Variants in ADAM23 observed in about 807,000 individuals in gnomAD.
The protein encoded by ADAM23 is disintegrin and metalloproteinase domain-containing protein 23.
Under a neutral mutation model 120.1 loss-of-function variants are expected in ADAM23, and 33 were observed. The ratio of observed to expected loss-of-function variants is 0.27; its 90% CI spans 0.21 to 0.37. The LOEUF (loss-of-function observed/expected upper bound fraction) is 0.37. ADAM23 is among the 10% of genes least tolerant of loss of function. The pLI, the probability that ADAM23 is intolerant of heterozygous loss-of-function variation, is 1.00. For synonymous variants in ADAM23, 367 were observed against 375.2 expected (o/e 0.98, Z 0.25); for missense variants, 862 against 1,058.2 (o/e 0.81, Z 2.57).
intron 10 of ADAM23, 43 bp downstream of exon 10, chr2:206,557,541 T>C: frequency 2.0e-6 from 3 of 1,508,320 alleles, no homozygotes; most frequent in Non-Finnish European, 2.8e-6. Context: ...CAAGATGGAA[T>C]GGTTTATCTC....
At chr2:206,576,572 ATTC>A (rs1175518709) in intron 18 of ADAM23, among the ~76,000 whole-genome samples, 1 of 152,086 alleles carries the variant, frequency 6.6e-6, no homozygotes, top group Non-Finnish European at 1.5e-5. Flanking sequence ...ACCCCCCAAA[ATTC>A]TTCTTTTTCT....
intron 3 of ADAM23, among the ~76,000 whole-genome samples, chr2:206,506,483 A>T (rs941307621): frequency 6.6e-6 from 1 of 152,186 alleles, no homozygotes; most frequent in Admixed American, 6.5e-5. Flanking sequence ...AGGCAGAAGA[A>T]AACTTCAGTT....
At chr2:206,449,781 A>C (rs906808803) in intron 2 of ADAM23, among the ~76,000 whole-genome samples, 46 of 150,866 alleles carry the variant, frequency 3.0e-4, no homozygotes, top group Non-Finnish European at 5.0e-4. Flanking sequence ...CAAACAAAAA[A>C]CCCCCCTAAA....
rs1285925261 is a variant in ADAM23, at chr2:206,477,887, A to ATATAT, written c.433-3345_433-3344insTATAT. ...AGCAAGCCAATATTCTGTTAAAAAA[A>ATATAT]AAAAAAAAAAATATATATATATATA... On this transcript the variant is annotated intron_variant, in intron 2 of 25. Transcript: ENST00000264377. Among the ~76,000 whole-genome samples, 51 of 82,330 alleles carry ATATAT rather than the reference A, an allele frequency of 6.2e-4. No homozygotes were observed. In the South Asian group the frequency reaches 0.011, roughly 18 times the overall value. 54.0% of individuals were successfully genotyped at this position (82,330 alleles called of 152,430 possible).
chr2:206,448,569 G>C (rs1695128551), intron 2 of ADAM23, among the ~76,000 whole-genome samples: 1 of 152,136 alleles, frequency 6.6e-6, no homozygotes, highest in Non-Finnish European at 1.5e-5. Context: ...ATGGGAGCTG[G>C]TCACCAGAAA....
chr2:206,607,977 G>A (rs1426365808), intron 24 of ADAM23: 4 of 451,828 alleles, frequency 8.9e-6, no homozygotes, highest in East Asian at 7.0e-5. Context: ...TGAAGCGGAC[G>A]AAGTGCAAAT....
intron 18 of ADAM23, among the ~76,000 whole-genome samples, chr2:206,574,495 T>G (rs1698073304): frequency 6.6e-6 from 1 of 151,422 alleles, no homozygotes; most frequent in African/African-American, 2.4e-5. Flanking sequence ...TATACCCAAC[T>G]AATTGAGTTT....
intron 3 of ADAM23, among the ~76,000 whole-genome samples, chr2:206,514,902 T>A (rs989352886): frequency 6.6e-5 from 10 of 152,210 alleles, no homozygotes; most frequent in African/African-American, 2.4e-4. Context: ...AAAGTATTTT[T>A]AGATATAATG....
At chr2:206,556,926 G>T (rs918637428) in intron 9 of ADAM23, among the ~76,000 whole-genome samples, 6 of 152,070 alleles carry the variant, frequency 3.9e-5, no homozygotes, top group Non-Finnish European at 8.8e-5. Flanking sequence ...AGACAAGTGG[G>T]TTAAGCCGTT....
In ADAM23 at chr2:206,520,619, T is replaced by C. The variant is rs181140463; in HGVS notation, c.510-10266T>C. Among the ~76,000 whole-genome samples, 15 of 152,300 alleles carry C rather than the reference T, an allele frequency of 9.8e-5. No individual in the cohort carries two copies. The East Asian group carries it at 2.5e-3, about 25-fold the overall frequency. On this transcript the variant is annotated intron_variant, in intron 3 of 25. Coordinates refer to ENST00000264377, the MANE Select transcript of ADAM23 (RefSeq NM_003812.4). ...CACAGGTTTTCATATGTGGAGAGGC[T>C]GCTCCTTAATGTCTTTGCTGGTCTC...
At chr2:206,487,700 C>G (rs921256519) in intron 3 of ADAM23, among the ~76,000 whole-genome samples, 1 of 152,210 alleles carries the variant, frequency 6.6e-6, no homozygotes, top group African/African-American at 2.4e-5. Context: ...TAGCCCCTGC[C>G]CGATGCAGAG....
chr2:206,476,403 G>A (rs977208403), intron 2 of ADAM23, among the ~76,000 whole-genome samples: 11 of 152,170 alleles, frequency 7.2e-5, no homozygotes, highest in African/African-American at 1.9e-4. Flanking sequence ...GGCTGTGGCC[G>A]GTTAGGAACT....
intron 3 of ADAM23, among the ~76,000 whole-genome samples, chr2:206,530,166 A>G (rs34729264): frequency 0.08 from 12,247 of 152,252 alleles, 609 homozygotes; most frequent in Admixed American, 0.14. Context: ...ATATTCCATA[A>G]CACATAAAAA....
intron 6 of ADAM23, among the ~76,000 whole-genome samples, chr2:206,544,235 T>C (rs1443079802): frequency 1.3e-5 from 2 of 152,200 alleles, no homozygotes. Flanking sequence ...ATCTGTGGGC[T>C]GAACTATGAT....
At chr2:206,470,239 C>T (rs1298552898) in intron 2 of ADAM23, among the ~76,000 whole-genome samples, 1 of 151,964 alleles carries the variant, frequency 6.6e-6, no homozygotes, top group East Asian at 1.9e-4. Context: ...TCCTCAGATA[C>T]ATAATAGACA....
intron 2 of ADAM23, among the ~76,000 whole-genome samples, chr2:206,446,714 C>G (rs924353440): frequency 6.6e-6 from 1 of 151,978 alleles, no homozygotes; most frequent in African/African-American, 2.4e-5. Context: ...GAGAGGTGAA[C>G]TTTCTTTCAC....
intron 2 of ADAM23, among the ~76,000 whole-genome samples, chr2:206,479,940 A>T (rs1186767157): frequency 6.6e-6 from 1 of 152,154 alleles, no homozygotes; most frequent in Non-Finnish European, 1.5e-5. Context: ...TGGTTTATTT[A>T]TAGTGTTTTA....
chr2:206,604,290 G>A (rs1698692541), intron 24 of ADAM23, among the ~76,000 whole-genome samples: 1 of 152,002 alleles, frequency 6.6e-6, no homozygotes, highest in African/African-American at 2.4e-5. Flanking sequence ...AGAAAAAAAA[G>A]TTATAAAATA....
intron 12 of ADAM23, among the ~76,000 whole-genome samples, chr2:206,561,838 T>C (rs545011312): frequency 6.0e-4 from 92 of 152,344 alleles, no homozygotes; most frequent in Non-Finnish European, 1.2e-3. Flanking sequence ...TGGAATAATA[T>C]TGGAGTATAT....
Sources: gnomAD v4.1 joint callset for allele counts (sites outside exome capture counted in the v4.1 genomes callset) on GRCh38, gnomAD v4.1.1 for gene constraint, MANE v1.5 for transcripts, NCBI Gene and HGNC (gene_info 2026-07-23, HGNC 2026-07-21) for gene names.